Variants in PHACTR2 observed in about 807,000 individuals in gnomAD.
The protein encoded by PHACTR2 is phosphatase and actin regulator 2, also known as chromosome 6 open reading frame 56.
A neutral mutation model predicts 76.0 loss-of-function variants in PHACTR2; 30 were observed. The observed-to-expected ratio is 0.39, with a 90% CI of 0.30 to 0.54. The LOEUF is 0.54. Among genes scored for constraint, PHACTR2 ranks in the 20% least tolerant of loss-of-function variants. The pLI is 0.61. For missense variants in PHACTR2, 696 were observed against 781.1 expected (o/e 0.89, Z 1.30); for synonymous variants, 292 against 292.5 (o/e 1.00, Z 0.02).
chr6:143,689,853 C>T lies in PHACTR2; in HGVS notation c.46+11644C>T, dbSNP rs1276095455. Among the ~76,000 whole-genome samples, 4 of 151,968 alleles carry T rather than the reference C, an allele frequency of 2.6e-5. No homozygotes were observed. The highest frequency in any genetic ancestry group is 6.6e-5 in the Admixed American group (1 of 15,240). On this transcript the variant is annotated intron_variant, in intron 1 of 12. Coordinates refer to ENST00000440869, the MANE Select transcript of PHACTR2 (RefSeq NM_001100164.2). The surrounding 1 kb of genome is among the most constrained non-coding windows in gnomAD (Gnocchi z 4.4). ...GATTACAGGCACCTGCCACCACGCC[C>T]GGCTAATTTTTGTATTTTTAGTAGC...
chr6:143,649,711 A>G (rs1353039466), intron 1 of PHACTR2, among the ~76,000 whole-genome samples: 1 of 152,234 alleles, frequency 6.6e-6, no homozygotes, highest in Non-Finnish European at 1.5e-5. Context: ...AATAAGCACC[A>G]TATATGACAA....
chr6:143,825,224 A>G lies in PHACTR2; in HGVS notation c.*1535A>G, dbSNP rs1562321343. 6.6e-6 allele frequency: 1 copy of G among 152,252 alleles called. No individual in the cohort carries two copies. The allele number at this position is 152,252 out of a possible 1,614,324, so 9.4% of individuals were successfully genotyped here. On this transcript the variant is annotated 3_prime_UTR_variant, in exon 13 of 13. Transcript: ENST00000440869. The surrounding 1 kb of genome is among the most constrained non-coding windows in gnomAD (Gnocchi z 4.1). ...AGAGTTTGGACTACAATTTTCTAAG[A>G]TGTTTCTGGTTCAAGACTGTCATTT...
rs1333134417 is a variant in PHACTR2, at chr6:143,730,724, T to G, written c.215-18261T>G. Among the ~76,000 whole-genome samples the G allele has an allele frequency of 3.3e-5, 5 of 152,134 alleles. No individual in the cohort carries two copies. Among genetic ancestry groups the G allele is most frequent in the African/African-American group, 9.7e-5 (4 of 41,430 alleles). On this transcript the variant is annotated intron_variant, in intron 2 of 12. Coordinates refer to ENST00000440869, the MANE Select transcript of PHACTR2 (RefSeq NM_001100164.2). The surrounding 1 kb of genome is among the most constrained non-coding windows in gnomAD (Gnocchi z 4.8). The stretch of plus-strand genomic sequence containing the variant: ...TCTTAGGGGGAAAGCATTCATTAAG[T>G]ATGATGTTGGTGTAAGATTTTTTGT...
chr6:143,660,103 GGTAGGCCTAGCA>G (rs1776921537), intron 1 of PHACTR2, among the ~76,000 whole-genome samples: 1 of 152,072 alleles, frequency 6.6e-6, no homozygotes, highest in Non-Finnish European at 1.5e-5. Flanking sequence ...GCTTACTACT[GGTAGGCCTAGCA>G]GTAAAGCTGC....
At chr6:143,626,136 G>A (rs1158663320) in intron 1 of PHACTR2, among the ~76,000 whole-genome samples, 2 of 152,176 alleles carry the variant, frequency 1.3e-5, no homozygotes, top group Non-Finnish European at 2.9e-5. Context: ...AAAGAAAGAT[G>A]CTAAGAATTT....
Position 143,811,320 on chromosome 6 carries a change from G to C in PHACTR2, c.1922+4187G>C, listed in dbSNP as rs953587892. Among the ~76,000 whole-genome samples the C allele has an allele frequency of 6.6e-6, 1 of 152,048 alleles. No individual in the cohort carries two copies. The highest frequency in any genetic ancestry group is 1.5e-5 in the Non-Finnish European group (1 of 68,000). ...TGTCTATATCCTACTGTTTAATTTG[G>C]ATAGATTTGTAGTGTACTTTTATAT... is the stretch of plus-strand genomic sequence containing the variant. On this transcript the variant is annotated intron_variant, in intron 12 of 12. Coordinates refer to ENST00000440869, the MANE Select transcript of PHACTR2 (RefSeq NM_001100164.2). This position sits in a 1 kb window ranked among gnomAD's most constrained non-coding sequence, Gnocchi z 4.1.
rs919192596 is a variant in PHACTR2 at position 143,648,411 on chromosome 6, G to A, written c.13+40089G>A. Among the ~76,000 whole-genome samples the A allele has an allele frequency of 6.6e-6, 1 of 152,166 alleles. No individual in the cohort carries two copies. The highest frequency in any genetic ancestry group is 1.5e-5 in the Non-Finnish European group (1 of 68,030). ...AGAATTAAATTCAAAGGGCAAAGGG[G>A]TAGAAAATGGATCTGACTGTCTCTG... On this transcript the variant is annotated intron_variant, in intron 1 of 11. Transcript: ENST00000305766. This position sits in a 1 kb window ranked among gnomAD's most constrained non-coding sequence, Gnocchi z 6.7.
chr6:143,540,693 G>A (rs1444576428), intron 1 of PHACTR2, among the ~76,000 whole-genome samples: 1 of 144,268 alleles, frequency 6.9e-6, no homozygotes, highest in East Asian at 2.0e-4. Context: ...AAGAATGCAA[G>A]TGCTTTATCA....
chr6:143,687,824 A>G (rs974989904), intron 1 of PHACTR2, among the ~76,000 whole-genome samples: 3 of 152,192 alleles, frequency 2.0e-5, no homozygotes, highest in Admixed American at 6.5e-5. Flanking sequence ...TGTGCTTGGC[A>G]GGTATAGTCC....
At position 143,616,771 on chromosome 6, in the gene PHACTR2, G is replaced by T. The variant is rs952689971; in HGVS notation, c.13+8449G>T. 6.6e-6 allele frequency among the ~76,000 whole-genome samples: 1 copy of T among 152,162 alleles called. No individual in the cohort carries two copies. Among genetic ancestry groups the T allele is most frequent in the Admixed American group, 6.5e-5 (1 of 15,282 alleles). On this transcript the variant is annotated intron_variant, in intron 1 of 11. Transcript: ENST00000305766. This position sits in a 1 kb window ranked among gnomAD's most constrained non-coding sequence, Gnocchi z 4.9. ...GGAATGAGGTTGGGGTGGAGGCTACGCCAGACTCGGTAGTCAGAGAAAGCT... is the reference window on the plus strand; with the variant it reads ...GGAATGAGGTTGGGGTGGAGGCTACTCCAGACTCGGTAGTCAGAGAAAGCT...
intron 1 of PHACTR2, among the ~76,000 whole-genome samples, chr6:143,626,536 C>CAAAAAAAAAAAAAAAA (rs35107482): frequency 8.2e-6 from 1 of 122,302 alleles, no homozygotes; most frequent in African/African-American, 3.3e-5. Flanking sequence ...GACTCCGTCT[C>CAAAAAAAAAAAAAAAA]AAAAAAAAAA....
At position 143,596,446 on chromosome 6, in the gene PHACTR2, T is replaced by A. The variant is rs1432236407; in HGVS notation, c.217+59239T>A. 6.6e-6 allele frequency among the ~76,000 whole-genome samples: 1 copy of A among 152,184 alleles called. No individual in the cohort carries two copies. The highest frequency in any genetic ancestry group is 6.5e-5 in the Admixed American group (1 of 15,280). On this transcript the variant is annotated intron_variant, in intron 1 of 11. Coordinates refer to the PHACTR2 transcript ENST00000367584. This position sits in a 1 kb window ranked among gnomAD's most constrained non-coding sequence, Gnocchi z 4.6. ...GTATCCCCAGATTGTTAGCAGAATA[T>A]CAGTAATAAATGCTTAACAGCCAGT...
intron 2 of PHACTR2, among the ~76,000 whole-genome samples, chr6:143,746,380 A>G (rs1263910929): frequency 6.6e-6 from 1 of 152,216 alleles, no homozygotes; most frequent in Non-Finnish European, 1.5e-5. Flanking sequence ...TTTGTTTCTT[A>G]TGAGCAAAGG....
rs1776053757 is a variant in PHACTR2 at position 143,616,001 on chromosome 6, T to C, written c.13+7679T>C. ...ATAATCTCATTTAAATTTTGATATC[T>C]ATGTCAAGAGAAGCCATAGTTTCAA... On this transcript the variant is annotated intron_variant, in intron 1 of 11. Transcript: ENST00000305766. This position sits in a 1 kb window ranked among gnomAD's most constrained non-coding sequence, Gnocchi z 4.9. 6.6e-6 allele frequency among the ~76,000 whole-genome samples: 1 copy of C among 152,240 alleles called. No individual in the cohort carries two copies. Among genetic ancestry groups the C allele is most frequent in the African/African-American group, 2.4e-5 (1 of 41,470 alleles).
At chr6:143,638,702 A>G (rs1776512146) in intron 1 of PHACTR2, among the ~76,000 whole-genome samples, 1 of 152,234 alleles carries the variant, frequency 6.6e-6, no homozygotes, top group African/African-American at 2.4e-5. Flanking sequence ...ATACTTTTAA[A>G]AAAGGGCAGT....
intron 1 of PHACTR2, among the ~76,000 whole-genome samples, chr6:143,682,407 G>C (rs1487775658): frequency 2.0e-5 from 3 of 152,090 alleles, no homozygotes; most frequent in African/African-American, 7.2e-5. Flanking sequence ...GTAGAGATGG[G>C]GTTTTCTGTG....
chr6:143,828,258 G>A lies in PHACTR2; in HGVS notation c.*4569G>A, dbSNP rs1181182165. 2.0e-5 allele frequency: 3 copies of A among 152,214 alleles called. No homozygotes were observed. Among genetic ancestry groups the A allele is most frequent in the Non-Finnish European group, 4.4e-5 (3 of 68,046 alleles). 9.4% of individuals were successfully genotyped at this position (152,214 alleles called of 1,614,324 possible). A position where few individuals can be genotyped will look rare whatever the true frequency, so the allele number is the denominator to read the frequency against. On this transcript the variant is annotated 3_prime_UTR_variant, in exon 13 of 13. Transcript: ENST00000440869. The surrounding 1 kb of genome is among the most constrained non-coding windows in gnomAD (Gnocchi z 4.7). ...TAATAGGAACATCTTTCTAGAGAAA[G>A]TACATGCCCAGTTAGTTCAAACCCA...
chr6:143,569,668 C>T (rs1775420309), intron 1 of PHACTR2, among the ~76,000 whole-genome samples: 1 of 152,184 alleles, frequency 6.6e-6, no homozygotes, highest in East Asian at 1.9e-4. Context: ...TATAGATAGA[C>T]ATACCTGTTT....
chr6:143,564,870 A>G (rs1775339990), intron 1 of PHACTR2, among the ~76,000 whole-genome samples: 1 of 152,010 alleles, frequency 6.6e-6, no homozygotes. Context: ...AAATGTATTG[A>G]TTGGTATTTT....
Sources: allele counts gnomAD v4.1 joint callset (sites outside exome capture counted in the v4.1 genomes callset), GRCh38; gene constraint gnomAD v4.1.1; non-coding constraint Gnocchi (gnomAD v3.1); transcripts MANE v1.5; gene names NCBI Gene and HGNC (gene_info 2026-07-23, HGNC 2026-07-21).